Variants in DLGAP1 observed in about 807,000 individuals in gnomAD.
The protein encoded by DLGAP1 is DLG associated protein 1.
In DLGAP1, 11 loss-of-function variants were observed where a neutral mutation model predicts 90.8. The observed-to-expected ratio is 0.12, with a 90% CI of 0.08 to 0.20. DLGAP1 has a LOEUF of 0.20. DLGAP1 is among the 10% of genes least tolerant of loss of function. DLGAP1 has a pLI of 1.00. For missense variants in DLGAP1, 1,050 were observed against 1,333.8 expected (o/e 0.79, Z 3.31); for synonymous variants, 558 against 540.7 (o/e 1.03, Z -0.44).
chr18:4,132,153 G>T (rs1051872755), intron 2 of DLGAP1, among the ~76,000 whole-genome samples: 11 of 151,934 alleles, frequency 7.2e-5, no homozygotes, highest in Non-Finnish European at 1.3e-4. Context: ...AGGATGAATT[G>T]GTACAGCATG....
At chr18:4,190,275 G>A (rs1483344468) in intron 1 of DLGAP1, among the ~76,000 whole-genome samples, 7 of 152,040 alleles carry the variant, frequency 4.6e-5, no homozygotes, top group African/African-American at 2.4e-5. Context: ...TAAGCTACAT[G>A]GTATATAATT....
intron 4 of DLGAP1, chr18:3,821,867 G>T: frequency 3.1e-6 from 3 of 977,942 alleles, no homozygotes; most frequent in Non-Finnish European, 3.6e-6. Context: ...AGCACTTTTA[G>T]TGGGCTCTCA....
chr18:3,665,930 C>T (rs1360874657), intron 7 of DLGAP1, among the ~76,000 whole-genome samples: 1 of 152,172 alleles, frequency 6.6e-6, no homozygotes, highest in Non-Finnish European at 1.5e-5. Flanking sequence ...CCTTTGATCT[C>T]TCATCCTTGG....
At chr18:4,062,746 A>G (rs190066934) in intron 2 of DLGAP1, among the ~76,000 whole-genome samples, 5 of 152,248 alleles carry the variant, frequency 3.3e-5, no homozygotes, top group Non-Finnish European at 7.4e-5. Context: ...GAGAAAAATT[A>G]TGTTTCAAGA....
chr18:3,499,020 G>T lies in DLGAP1; in HGVS notation c.*165C>A. ...CGGGTACGGGAAGTGGGGGGCTGAG[G>T]GGGGCCCGGGGGGCGGCTCCTGCGA... On this transcript the variant is annotated 3_prime_UTR_variant, in exon 13 of 13. Transcript: ENST00000315677. This position sits in a 1 kb window ranked among gnomAD's most constrained non-coding sequence, Gnocchi z 6.4. 1.6e-6 allele frequency: 1 copy of T among 612,650 alleles called. No individual in the cohort carries two copies. The highest frequency in any genetic ancestry group is 2.7e-6 in the Non-Finnish European group (1 of 365,076). 38.0% of individuals were successfully genotyped at this position (612,650 alleles called of 1,614,324 possible).
chr18:3,897,861 C>T (rs1396348627), intron 3 of DLGAP1, among the ~76,000 whole-genome samples: 1 of 141,260 alleles, frequency 7.1e-6, no homozygotes, highest in Non-Finnish European at 1.5e-5. Flanking sequence ...GTGGCGCAAT[C>T]TCGGCTCACT....
intron 7 of DLGAP1, among the ~76,000 whole-genome samples, chr18:3,717,747 T>G (rs2061815686): frequency 6.6e-6 from 1 of 152,176 alleles, no homozygotes; most frequent in South Asian, 2.1e-4. Context: ...ACCTCTCAAT[T>G]AACAGATATT....
At chr18:3,531,160 G>A (rs1350492331) in intron 10 of DLGAP1, among the ~76,000 whole-genome samples, 1 of 152,104 alleles carries the variant, frequency 6.6e-6, no homozygotes, top group African/African-American at 2.4e-5. Flanking sequence ...TTATTGGCCG[G>A]GCGCTGTGGC....
chr18:3,916,134 C>T (rs1178685456), intron 3 of DLGAP1, among the ~76,000 whole-genome samples: 3 of 152,150 alleles, frequency 2.0e-5, no homozygotes, highest in Non-Finnish European at 4.4e-5. Flanking sequence ...CTCTGCTGTC[C>T]ACCACAGACT....
intron 1 of DLGAP1, among the ~76,000 whole-genome samples, chr18:4,306,789 G>A (rs1274779186): frequency 6.6e-6 from 1 of 152,062 alleles, no homozygotes; most frequent in East Asian, 1.9e-4. Flanking sequence ...CCTAGGACTC[G>A]AGTTATCTAT....
intron 1 of DLGAP1, among the ~76,000 whole-genome samples, chr18:4,219,406 C>T (rs1444854099): frequency 1.3e-5 from 2 of 151,838 alleles, no homozygotes; most frequent in African/African-American, 2.4e-5. Context: ...ATGGTTGGCA[C>T]ATATTTTCTC....
intron 1 of DLGAP1, among the ~76,000 whole-genome samples, chr18:4,273,298 C>T (rs1017293415): frequency 2.6e-5 from 4 of 152,218 alleles, no homozygotes; most frequent in African/African-American, 9.6e-5. Context: ...CTCTCCCGCT[C>T]TTGCTTCCCC....
chr18:3,839,745 A>G (rs2068606890), intron 4 of DLGAP1, among the ~76,000 whole-genome samples: 1 of 152,208 alleles, frequency 6.6e-6, no homozygotes, highest in Non-Finnish European at 1.5e-5. Flanking sequence ...TCTTTCTATC[A>G]CCAACATGGC....
At chr18:4,090,892 C>G (rs2075764312) in intron 2 of DLGAP1, among the ~76,000 whole-genome samples, 2 of 152,214 alleles carry the variant, frequency 1.3e-5, no homozygotes, top group South Asian at 4.1e-4. Flanking sequence ...TACATATACA[C>G]CATGGAATAC....
intron 4 of DLGAP1, among the ~76,000 whole-genome samples, chr18:3,854,929 G>C (rs2069545118): frequency 6.6e-6 from 1 of 152,162 alleles, no homozygotes; most frequent in Non-Finnish European, 1.5e-5. Context: ...AGCTAAGAGG[G>C]ATGCTTTTCT....
intron 7 of DLGAP1, among the ~76,000 whole-genome samples, chr18:3,628,188 C>CTTTTT (rs71160904): frequency 1.6e-5 from 2 of 123,676 alleles, no homozygotes; most frequent in African/African-American, 6.3e-5. Flanking sequence ...GTGCTATATT[C>CTTTTT]TTTTTTTTTT....
intron 5 of DLGAP1, among the ~76,000 whole-genome samples, chr18:3,750,849 C>A (rs2063468841): frequency 6.6e-6 from 1 of 152,186 alleles, no homozygotes; most frequent in Non-Finnish European, 1.5e-5. Context: ...GCTTTCCACC[C>A]ACCAAACTCT....
chr18:4,064,800 CA>C (rs1568377018), intron 2 of DLGAP1, among the ~76,000 whole-genome samples: 1 of 151,888 alleles, frequency 6.6e-6, no homozygotes, highest in African/African-American at 2.4e-5. Flanking sequence ...AAAACTGTTC[CA>C]AAAAATTAAT....
At chr18:4,435,702 G>T (rs1053620506) in intron 1 of DLGAP1, among the ~76,000 whole-genome samples, 1 of 152,170 alleles carries the variant, frequency 6.6e-6, no homozygotes, top group African/African-American at 2.4e-5. Context: ...TTTAATCACA[G>T]TAATAAAACC....
Sources: gnomAD v4.1 joint callset for allele counts (sites outside exome capture counted in the v4.1 genomes callset) on GRCh38, gnomAD v4.1.1 for gene constraint, Gnocchi (gnomAD v3.1) non-coding constraint, MANE v1.5 for transcripts, NCBI Gene and HGNC (gene_info 2026-07-23, HGNC 2026-07-21) for gene names.